Variants in STXBP5L observed in about 807,000 individuals in gnomAD.
STXBP5L encodes the protein syntaxin binding protein 5L.
A neutral mutation model predicts 144.5 loss-of-function variants in STXBP5L; 65 were observed. The ratio of observed to expected loss-of-function variants is 0.45; its 90% confidence interval spans 0.37 to 0.55. The LOEUF (loss-of-function observed/expected upper bound fraction) is 0.55. Among genes scored for constraint, STXBP5L ranks in the 20% least tolerant of loss-of-function variants. STXBP5L has a pLI of 0.00. For synonymous variants in STXBP5L, 505 were observed against 469.6 expected, an observed-to-expected ratio of 1.08 and a Z score of -0.97; for missense variants, 1,298 against 1,405.5, an observed-to-expected ratio of 0.92 and a Z score of 1.22.
chr3:120,928,382 C>T (rs912455457), intron 2 of STXBP5L, among the ~76,000 whole-genome samples: 1 of 152,122 alleles, frequency 6.6e-6, no homozygotes, highest in Non-Finnish European at 1.5e-5. Flanking sequence ...CCTGCCTCAG[C>T]CTCTGGAGTA....
chr3:121,130,336 G>T (rs1297199626), intron 7 of STXBP5L, among the ~76,000 whole-genome samples: 2 of 152,042 alleles, frequency 1.3e-5, no homozygotes, highest in African/African-American at 4.8e-5. Context: ...TACCTGTGCT[G>T]TCCATCATGA....
At chr3:120,967,436 G>A (rs1429125593) in intron 3 of STXBP5L, among the ~76,000 whole-genome samples, 3 of 152,168 alleles carry the variant, frequency 2.0e-5, no homozygotes, top group African/African-American at 7.2e-5. Flanking sequence ...CTTCAGTTGT[G>A]TGATTTTCTA....
intron 7 of STXBP5L, among the ~76,000 whole-genome samples, chr3:121,123,328 T>C (rs1235765398): frequency 6.6e-6 from 1 of 151,570 alleles, no homozygotes; most frequent in Non-Finnish European, 1.5e-5. Flanking sequence ...ACCTAGAAAA[T>C]TCATTTCCGA....
At chr3:121,094,319 G>A (rs984084089) in intron 5 of STXBP5L, among the ~76,000 whole-genome samples, 1 of 151,998 alleles carries the variant, frequency 6.6e-6, no homozygotes, top group African/African-American at 2.4e-5. Flanking sequence ...CCAATTCCTG[G>A]GTATCCTTGT....
intron 9 of STXBP5L, among the ~76,000 whole-genome samples, chr3:121,183,356 G>T (rs993285769): frequency 6.6e-6 from 1 of 152,152 alleles, no homozygotes; most frequent in African/African-American, 2.4e-5. Flanking sequence ...TCAAACTGTT[G>T]CTGGACACCA....
intron 20 of STXBP5L, among the ~76,000 whole-genome samples, chr3:121,353,653 T>C (rs2045390763): frequency 6.6e-6 from 1 of 152,196 alleles, no homozygotes. Context: ...TCATTAATTT[T>C]TTGAAGGGTT....
chr3:121,343,001 A>C (rs1251523353), intron 20 of STXBP5L, among the ~76,000 whole-genome samples: 2 of 151,348 alleles, frequency 1.3e-5, no homozygotes, highest in African/African-American at 2.4e-5. Context: ...CATCCTCTCC[A>C]GCACCTGCTG....
intron 18 of STXBP5L, among the ~76,000 whole-genome samples, chr3:121,260,449 G>A (rs1166423511): frequency 1.3e-5 from 2 of 151,722 alleles, no homozygotes; most frequent in South Asian, 2.1e-4. Flanking sequence ...CTGAATTTGT[G>A]TCTTATTTAA....
intron 19 of STXBP5L, among the ~76,000 whole-genome samples, chr3:121,298,999 G>T (rs1348559058): frequency 6.6e-6 from 1 of 152,132 alleles, no homozygotes; most frequent in Non-Finnish European, 1.5e-5. Context: ...AAGAACCTTT[G>T]TGAAGTCAGT....
intron 5 of STXBP5L, among the ~76,000 whole-genome samples, chr3:121,063,814 G>T: frequency 6.6e-6 from 1 of 152,116 alleles, no homozygotes; most frequent in South Asian, 2.1e-4. Context: ...GCCTACTCAA[G>T]CTGAGTAATG....
intron 3 of STXBP5L, among the ~76,000 whole-genome samples, chr3:120,989,371 A>G (rs1278632885): frequency 1.3e-5 from 2 of 152,098 alleles, no homozygotes; most frequent in East Asian, 1.9e-4. Flanking sequence ...AATTTGTATT[A>G]TTCTGATGAT....
rs1306193661 is a variant in STXBP5L, at chr3:121,422,605, C to T, written c.*3508C>T. 1 of 152,140 alleles carries T rather than the reference C, an allele frequency of 6.6e-6. No individual in the cohort carries two copies. The highest frequency in any genetic ancestry group is 1.5e-5 in the Non-Finnish European group (1 of 68,028). 9.4% of individuals were successfully genotyped at this position (152,140 alleles called of 1,614,324 possible). A position where few individuals can be genotyped will look rare whatever the true frequency, so the allele number is the denominator to read the frequency against. ...GCAGTACTACTGACTTTGCTTCTTA[C>T]ACTTCACTGAGCCCCAGACTTTAGG... On this transcript the variant is annotated 3_prime_UTR_variant, in exon 27 of 27. Coordinates refer to ENST00000471454, the MANE Select transcript of STXBP5L (RefSeq NM_001308330.2).
intron 5 of STXBP5L, among the ~76,000 whole-genome samples, chr3:121,093,945 G>A (rs1290035034): frequency 6.6e-6 from 1 of 152,176 alleles, no homozygotes; most frequent in Admixed American, 6.5e-5. Context: ...TGCTTTAAAT[G>A]TGTCCCGGAG....
chr3:121,173,880 A>G (rs942633801), intron 9 of STXBP5L, among the ~76,000 whole-genome samples: 1 of 149,196 alleles, frequency 6.7e-6, no homozygotes, highest in Non-Finnish European at 1.5e-5. Context: ...GAACATTTCC[A>G]GCATCAGTAG....
intron 5 of STXBP5L, among the ~76,000 whole-genome samples, chr3:121,097,535 C>T (rs1188120289): frequency 2.0e-5 from 3 of 152,146 alleles, no homozygotes; most frequent in Non-Finnish European, 4.4e-5. Flanking sequence ...TCCTCAGGCT[C>T]AGTCCCTCAT....
rs569958993 is a variant in STXBP5L, at chr3:121,047,789, C to T, written c.470+2254C>T. Among the ~76,000 whole-genome samples the T allele has an allele frequency of 2.0e-5, 3 of 152,206 alleles. No homozygotes were observed. In the South Asian group the frequency reaches 6.2e-4, roughly 31 times the overall value. On this transcript the variant is annotated intron_variant, in intron 5 of 26. Coordinates refer to ENST00000471454, the MANE Select transcript of STXBP5L (RefSeq NM_001308330.2). ...GAAGACAGCATACCATTCAGTCCTGCTTCTTTATACAGCTTGCCACTCTGT... is the reference window on the plus strand; with the variant it reads ...GAAGACAGCATACCATTCAGTCCTGTTTCTTTATACAGCTTGCCACTCTGT...
intron 3 of STXBP5L, among the ~76,000 whole-genome samples, chr3:120,999,124 C>T (rs536651229): frequency 3.5e-4 from 54 of 152,254 alleles, no homozygotes; most frequent in African/African-American, 1.0e-3. Context: ...ATGATTTTGG[C>T]TCACTGCAAC....
chr3:121,211,111 C>A (rs2048547452), intron 10 of STXBP5L, among the ~76,000 whole-genome samples: 2 of 152,134 alleles, frequency 1.3e-5, no homozygotes, highest in South Asian at 4.2e-4. Flanking sequence ...TTTTGTTGAA[C>A]AGTGGTTTGA....
intron 5 of STXBP5L, among the ~76,000 whole-genome samples, chr3:121,052,027 C>T (rs1948048270): frequency 6.6e-6 from 1 of 152,108 alleles, no homozygotes; most frequent in Non-Finnish European, 1.5e-5. Flanking sequence ...CAAGACTAAA[C>T]CAGGGAGACG....
Sources: gnomAD v4.1 joint callset for allele counts (sites outside exome capture counted in the v4.1 genomes callset) on GRCh38, gnomAD v4.1.1 for gene constraint, MANE v1.5 for transcripts, NCBI Gene and HGNC (gene_info 2026-07-23, HGNC 2026-07-21) for gene names.